The following RIC1 variants were observed in gnomAD, a reference collection of about 807,000 sequenced individuals.
RIC1 encodes guanine nucleotide exchange factor subunit RIC1.
RIC1 carries 88 observed loss-of-function variants against 169.0 expected under a neutral mutation model. The observed-to-expected ratio is 0.52, with a 90% CI of 0.44 to 0.62. The LOEUF is 0.62. Among genes scored for constraint, RIC1 ranks in the 20% least tolerant of loss-of-function variants. RIC1 has a pLI of 0.00. For missense variants in RIC1, 1,877 were observed against 1,725.5 expected (o/e 1.09, Z -1.56); for synonymous variants, 790 against 601.5 (o/e 1.31, Z -4.59).
intron 21 of RIC1, among the ~76,000 whole-genome samples, chr9:5,766,836 T>A (rs1395746325): frequency 6.6e-6 from 1 of 152,214 alleles, no homozygotes; most frequent in Non-Finnish European, 1.5e-5. Flanking sequence ...TTGAATGACT[T>A]CTTTTCCTCT....
chr9:5,712,402 G>A (rs1226509636), intron 3 of RIC1, among the ~76,000 whole-genome samples: 1 of 152,102 alleles, frequency 6.6e-6, no homozygotes, highest in Non-Finnish European at 1.5e-5. Context: ...GAGTGAAGAG[G>A]CAACCTACAG....
rs1287101513 is a variant in RIC1 at position 5,775,685 on chromosome 9, G to GAGAA, written c.*1441_*1444dup. On this transcript the variant is annotated 3_prime_UTR_variant, in exon 26 of 26. Coordinates refer to ENST00000414202, the MANE Select transcript of RIC1 (RefSeq NM_020829.4). ...TTGTCTTAGCCAGGTTTCCTTTGAAGAGAAACTCAAAACCATTTTGAAACT... is the reference window on the plus strand; with the variant it reads ...TTGTCTTAGCCAGGTTTCCTTTGAAGAGAAAGAAACTCAAAACCATTTTGAAACT... 1.3e-5 allele frequency: 2 copies of GAGAA among 152,136 alleles called. No homozygotes were observed. The highest frequency in any genetic ancestry group is 4.8e-5 in the African/African-American group (2 of 41,434). The allele number at this position is 152,136 out of a possible 1,614,324, so 9.4% of individuals were successfully genotyped here. A position where few individuals can be genotyped will look rare whatever the true frequency, so the allele number is the denominator to read the frequency against.
intron 2 of RIC1, among the ~76,000 whole-genome samples, chr9:5,662,596 T>G (rs952130756): frequency 6.6e-6 from 1 of 152,172 alleles, no homozygotes; most frequent in African/African-American, 2.4e-5. Flanking sequence ...AAAGTATCCA[T>G]TTCTTCTAGA....
In RIC1 at chr9:5,658,600, G is replaced by A. The variant is rs111916695; in HGVS notation, c.252+1910G>A. The stretch of plus-strand genomic sequence containing the variant: ...AGAAAATACTAATTCAGTACAACCC[G>A]AAGTAGAATCTAAGAAGTTGTATTA... On this transcript the variant is annotated intron_variant, in intron 2 of 25. Transcript: ENST00000414202. 1.4e-3 allele frequency among the ~76,000 whole-genome samples: 219 copies of A among 152,126 alleles called. 1 individual carries two copies. The highest frequency in any genetic ancestry group is 5.0e-3 in the African/African-American group (208 of 41,540).
chr9:5,636,368 G>A (rs1817971700), intron 1 of RIC1, among the ~76,000 whole-genome samples: 1 of 152,072 alleles, frequency 6.6e-6, no homozygotes. Context: ...CACCGAGGCT[G>A]GAGTGCAATG....
chr9:5,743,553 T>G (rs1015929935), intron 9 of RIC1, 136 bp from the exon 10 acceptor site: 11 of 693,022 alleles, frequency 1.6e-5, no homozygotes, highest in Middle Eastern at 8.0e-4. Context: ...AACCCACAGT[T>G]TTGTATTTCA....
At chr9:5,730,696 C>A (rs1363736116) in intron 6 of RIC1, among the ~76,000 whole-genome samples, 1 of 152,008 alleles carries the variant, frequency 6.6e-6, no homozygotes, top group Non-Finnish European at 1.5e-5. Flanking sequence ...AGTAGCAATT[C>A]CACAAGTGTT....
intron 12 of RIC1, 71 bp from the exon 13 acceptor site, chr9:5,753,129 G>GTGA: frequency 7.5e-7 from 1 of 1,340,362 alleles, no homozygotes; most frequent in East Asian, 2.3e-5. Flanking sequence ...ATCTCATAGT[G>GTGA]TGATAACTTA....
intron 21 of RIC1, 99 bp from the exon 22 acceptor site, chr9:5,768,871 C>T (rs1586727052): frequency 2.1e-5 from 27 of 1,296,500 alleles, no homozygotes; most frequent in Middle Eastern, 2.1e-4. Context: ...TCTTGGATCT[C>T]TTATCTCCTT....
intron 3 of RIC1, among the ~76,000 whole-genome samples, chr9:5,711,823 G>C (rs541345361): frequency 6.6e-6 from 1 of 152,248 alleles, no homozygotes; most frequent in South Asian, 2.1e-4. Context: ...AGAACATGCG[G>C]TGTTTGGTTT....
intron 6 of RIC1, 103 bp from the exon 7 acceptor site, chr9:5,732,285 A>G (rs1824415527): frequency 2.2e-6 from 2 of 907,962 alleles, no homozygotes; most frequent in East Asian, 2.5e-5. Flanking sequence ...ATGAAACCAA[A>G]TAAAGCATTA....
chr9:5,772,087 G>A (rs1827261144), intron 23 of RIC1, among the ~76,000 whole-genome samples: 1 of 152,104 alleles, frequency 6.6e-6, no homozygotes, highest in African/African-American at 2.4e-5. Flanking sequence ...ATTTAAATAA[G>A]GTTCACATAT....
In RIC1 at chr9:5,745,996, T is replaced by A. The variant is rs1419250521; in HGVS notation, c.1161T>A (p.Ile387=). 3 of 1,613,618 alleles carry A rather than the reference T, an allele frequency of 1.9e-6. No individual in the cohort carries two copies. Among genetic ancestry groups the A allele is most frequent in the Non-Finnish European group, 2.5e-6 (3 of 1,179,704 alleles). Residue 387 remains isoleucine (I), a synonymous_variant, in exon 11 of 26, where the codon ATT becomes ATA. Coordinates refer to ENST00000414202, the MANE Select transcript of RIC1 (RefSeq NM_020829.4). ...ISGFGSQNTE[I]ESDLRSVVKQ... ...GATTTGGTTCTCAAAACACTGAAAT[T>A]GAGTCTGACCTCAGGAGTGTAGTTA...
chr9:5,738,262 A>C (rs1025989542), intron 7 of RIC1, among the ~76,000 whole-genome samples, 188 bp from the exon 8 acceptor site: 1 of 152,218 alleles, frequency 6.6e-6, no homozygotes, highest in Non-Finnish European at 1.5e-5. Context: ...TTTCTGGGAT[A>C]TATCTGGAAG....
chr9:5,737,176 C>T (rs1824766380), intron 7 of RIC1, among the ~76,000 whole-genome samples: 1 of 152,064 alleles, frequency 6.6e-6, no homozygotes, highest in South Asian at 2.1e-4. Context: ...TGAGAATATA[C>T]CATGAGCAGA....
intron 1 of RIC1, among the ~76,000 whole-genome samples, chr9:5,630,296 C>T (rs1817657407): frequency 6.6e-6 from 1 of 152,192 alleles, no homozygotes; most frequent in Non-Finnish European, 1.5e-5. Context: ...ATAACTTTGT[C>T]TATGAGAACG....
At chr9:5,684,599 G>A (rs1180361556) in intron 2 of RIC1, among the ~76,000 whole-genome samples, 1 of 151,806 alleles carries the variant, frequency 6.6e-6, no homozygotes, top group Non-Finnish European at 1.5e-5. Context: ...CTTGTGTCCA[G>A]CAGTCATACT....
At chr9:5,748,170 A>G (rs1054564476) in intron 12 of RIC1, among the ~76,000 whole-genome samples, 1 of 152,236 alleles carries the variant, frequency 6.6e-6, no homozygotes, top group African/African-American at 2.4e-5. Context: ...AGAAACTTGC[A>G]TACATAATTT....
In RIC1 at chr9:5,720,627, G is replaced by C. The variant is rs1455301125; in HGVS notation, c.597G>C (p.Leu199=). The C allele has an allele frequency of 1.9e-6, 3 of 1,598,020 alleles. No homozygotes were observed. The highest frequency in any genetic ancestry group is 1.4e-5 in the African/African-American group (1 of 73,946). ...DLQSSRVGSF[L]GFTDVHIRDM... ...TTTTTTCATCAGTAGGTTCATTCCT[G>C]GGCTTCACAGACGTACACATCAGAG... Residue 199 remains leucine (L), a synonymous_variant, in exon 6 of 26, where the codon CTG becomes CTC. Transcript: ENST00000414202.
Sources: gnomAD v4.1 joint callset for allele counts (sites outside exome capture counted in the v4.1 genomes callset) on GRCh38, gnomAD v4.1.1 for gene constraint, MANE v1.5 for transcripts, NCBI Gene and HGNC (gene_info 2026-07-23, HGNC 2026-07-21) for gene names.